Variants in WIPF3 observed in about 807,000 individuals in gnomAD.
WIPF3 encodes the protein WAS/WASL-interacting protein family member 3.
WIPF3 carries 33 observed loss-of-function variants against 38.9 expected under a neutral mutation model. The ratio of observed to expected loss-of-function variants is 0.85; its 90% CI spans 0.64 to 1.14. WIPF3 has a LOEUF of 1.14. Among genes scored for constraint, WIPF3 ranks in the 50% most tolerant of loss-of-function variants. WIPF3 has a pLI of 0.00. For missense variants in WIPF3, 711 were observed against 652.5 expected (o/e 1.09, Z -0.98); for synonymous variants, 324 against 269.3 (o/e 1.20, Z -1.99).
At chr7:29,907,848 C>G (rs1324834692) in intron 8 of WIPF3, among the ~76,000 whole-genome samples, 1 of 151,956 alleles carries the variant, frequency 6.6e-6, no homozygotes, top group Non-Finnish European at 1.5e-5. Context: ...CCATGGTAAC[C>G]ACACAGAAAA....
intron 2 of WIPF3, among the ~76,000 whole-genome samples, chr7:29,864,701 G>A (rs553366348): frequency 1.3e-5 from 2 of 152,174 alleles, no homozygotes; most frequent in South Asian, 4.2e-4. Context: ...GTCTTTCTTG[G>A]ACAATTTTCT....
intron 1 of WIPF3, among the ~76,000 whole-genome samples, chr7:29,808,776 C>T (rs1784327267): frequency 6.6e-6 from 1 of 151,950 alleles, no homozygotes; most frequent in Admixed American, 6.6e-5. Flanking sequence ...TCTAGCCTGG[C>T]AACGCTCTTT....
intron 4 of WIPF3, among the ~76,000 whole-genome samples, chr7:29,882,098 G>A (rs1040686188): frequency 5.6e-4 from 85 of 152,350 alleles, no homozygotes; most frequent in Non-Finnish European, 8.2e-4. Flanking sequence ...GGATAAAAAT[G>A]AGTTTGCCCA....
At chr7:29,809,568 T>C (rs779747381) in intron 1 of WIPF3, among the ~76,000 whole-genome samples, 110 of 152,382 alleles carry the variant, frequency 7.2e-4, no homozygotes, top group Middle Eastern at 3.4e-3. Context: ...ATTTAGCCAC[T>C]GTACAAAACC....
intron 4 of WIPF3, among the ~76,000 whole-genome samples, chr7:29,879,410 C>T (rs372870886): frequency 9.2e-5 from 14 of 152,216 alleles, no homozygotes; most frequent in African/African-American, 2.9e-4. Context: ...TTAGTGATGG[C>T]GTGATGGTAG....
At chr7:29,898,027 C>T (rs1244924145) in intron 7 of WIPF3, among the ~76,000 whole-genome samples, 2 of 152,172 alleles carry the variant, frequency 1.3e-5, no homozygotes, top group South Asian at 2.1e-4. Flanking sequence ...CACTTCCCCA[C>T]CCCCTGTTCT....
chr7:29,870,640 C>T (rs1785478083), intron 2 of WIPF3, among the ~76,000 whole-genome samples: 1 of 151,880 alleles, frequency 6.6e-6, no homozygotes, highest in Non-Finnish European at 1.5e-5. Flanking sequence ...GACTCATAGC[C>T]CCAAAAAAAG....
intron 1 of WIPF3, among the ~76,000 whole-genome samples, chr7:29,814,928 C>T (rs1197916850): frequency 6.6e-6 from 1 of 152,130 alleles, no homozygotes; most frequent in East Asian, 1.9e-4. Context: ...TATTACCGCC[C>T]TATTAGAGGA....
intron 2 of WIPF3, among the ~76,000 whole-genome samples, chr7:29,858,343 A>G (rs958798392): frequency 6.6e-6 from 1 of 152,166 alleles, no homozygotes; most frequent in African/African-American, 2.4e-5. Context: ...ACTTCACTGA[A>G]ATACCAAGGA....
chr7:29,813,970 G>T (rs2128061449), intron 1 of WIPF3, among the ~76,000 whole-genome samples: 1 of 151,816 alleles, frequency 6.6e-6, no homozygotes, highest in South Asian at 2.1e-4. Flanking sequence ...ACCCAGACTG[G>T]AGTCCAGTGG....
At chr7:29,812,766 A>G (rs987301625) in intron 1 of WIPF3, among the ~76,000 whole-genome samples, 9 of 152,214 alleles carry the variant, frequency 5.9e-5, no homozygotes, top group Admixed American at 2.0e-4. Flanking sequence ...GTAGGCAGCT[A>G]GCAGTATCAG....
intron 4 of WIPF3, 40 bp from the exon 5 acceptor site, chr7:29,883,810 C>T (rs1460261849): frequency 4.4e-5 from 66 of 1,511,094 alleles, no homozygotes; most frequent in Non-Finnish European, 5.8e-5. Flanking sequence ...CTTTCTCCTT[C>T]TTTATTGCCG....
intron 2 of WIPF3, among the ~76,000 whole-genome samples, chr7:29,852,792 A>G (rs1047483585): frequency 1.3e-5 from 2 of 152,226 alleles, no homozygotes; most frequent in Admixed American, 1.3e-4. Context: ...GGTTGGGAGG[A>G]CAAGTTTAGA....
intron 5 of WIPF3, among the ~76,000 whole-genome samples, chr7:29,886,892 C>A (rs1285526470): frequency 2.6e-5 from 4 of 152,194 alleles, no homozygotes; most frequent in Non-Finnish European, 5.9e-5. Context: ...ATTTCCTTAC[C>A]ACACAGTGGG....
intron 2 of WIPF3, among the ~76,000 whole-genome samples, chr7:29,858,093 T>C (rs1785214946): frequency 6.6e-6 from 1 of 152,208 alleles, no homozygotes; most frequent in Non-Finnish European, 1.5e-5. Flanking sequence ...TATTTTCTCA[T>C]ATTACATAGC....
intron 2 of WIPF3, among the ~76,000 whole-genome samples, chr7:29,851,961 G>A (rs923353277): frequency 6.6e-6 from 1 of 151,932 alleles, no homozygotes; most frequent in Admixed American, 6.6e-5. Context: ...CTCCTCTAAA[G>A]CTTTTTATTT....
intron 1 of WIPF3, among the ~76,000 whole-genome samples, chr7:29,820,404 A>G (rs1311967475): frequency 6.6e-6 from 1 of 152,066 alleles, no homozygotes; most frequent in African/African-American, 2.4e-5. Flanking sequence ...GTGTATTGAT[A>G]TGGCAGATAT....
intron 2 of WIPF3, among the ~76,000 whole-genome samples, chr7:29,836,255 G>A (rs1784797627): frequency 6.6e-6 from 1 of 152,204 alleles, no homozygotes; most frequent in Admixed American, 6.5e-5. Context: ...ACTATCATAT[G>A]GATCTTGCAA....
intron 6 of WIPF3, 48 bp from the exon 7 acceptor site, chr7:29,889,258 G>C: frequency 1.3e-6 from 2 of 1,502,320 alleles, no homozygotes; most frequent in Non-Finnish European, 1.8e-6. Context: ...TCAAAACTTG[G>C]ATCATGACAG....
Sources: allele counts gnomAD v4.1 joint callset (sites outside exome capture counted in the v4.1 genomes callset), GRCh38; gene constraint gnomAD v4.1.1; transcripts MANE v1.5; gene names NCBI Gene and HGNC (gene_info 2026-07-23, HGNC 2026-07-21).